LRIG1: variants seen among roughly 807,000 people sequenced by gnomAD.
The protein encoded by LRIG1 is leucine rich repeats and immunoglobulin like domains 1.
A neutral mutation model predicts 99.2 loss-of-function variants in LRIG1; 48 were observed. The observed-to-expected ratio is 0.48, with a 90% CI of 0.38 to 0.62. The LOEUF (loss-of-function observed/expected upper bound fraction) is 0.62. LRIG1 is among the 20% of genes least tolerant of loss of function. The pLI is 0.00. For missense variants in LRIG1, 1,646 were observed against 1,434.4 expected, an observed-to-expected ratio of 1.15 and a Z score of -2.38; for synonymous variants, 772 against 596.1, an observed-to-expected ratio of 1.29 and a Z score of -4.30.
At chr3:66,467,776 T>A (rs1180719847) in intron 1 of LRIG1, among the ~76,000 whole-genome samples, 3 of 152,248 alleles carry the variant, frequency 2.0e-5, no homozygotes, top group African/African-American at 7.2e-5. Flanking sequence ...AACTGTGCTG[T>A]GTCTGAATTA....
At chr3:66,470,756 T>A (rs2106864988) in intron 1 of LRIG1, among the ~76,000 whole-genome samples, 1 of 152,330 alleles carries the variant, frequency 6.6e-6, no homozygotes, top group African/African-American at 2.4e-5. Context: ...TTTCTCACCA[T>A]CACTGAAGGC....
chr3:66,452,541 T>C (rs771589928), intron 2 of LRIG1, among the ~76,000 whole-genome samples: 5 of 152,196 alleles, frequency 3.3e-5, no homozygotes, highest in African/African-American at 4.8e-5. Context: ...TAGAAAGAAA[T>C]TGTACTTGCG....
Position 66,417,119 on chromosome 3 carries a change from A to T in LRIG1, c.503+10T>A. 6.2e-7 allele frequency: 1 copy of T among 1,613,528 alleles called. No homozygotes were observed. The highest frequency in any genetic ancestry group is 8.5e-7 in the Non-Finnish European group (1 of 1,179,542). ...GGGCCAGCCACAGGTGGCAGAACAG[A>T]GGCACTTACAGCTCCTTTATAGGCG... is the stretch of plus-strand genomic sequence containing the variant. On this transcript the variant is annotated intron_variant, in intron 4 of 18. Transcript: ENST00000273261.
intron 12 of LRIG1, chr3:66,388,043 C>G (rs1209770470): frequency 2.4e-5 from 3 of 127,250 alleles, no homozygotes; most frequent in Non-Finnish European, 3.1e-5. Context: ...GGAGGCGGAG[C>G]TTGCAGTGAG....
At chr3:66,415,576 T>C (rs561061975) in intron 4 of LRIG1, among the ~76,000 whole-genome samples, 2 of 152,218 alleles carry the variant, frequency 1.3e-5, no homozygotes, top group South Asian at 2.1e-4. Context: ...ATTTCTGTAA[T>C]TGTAAATGCC....
At chr3:66,447,049 T>C (rs2106795308) in intron 3 of LRIG1, among the ~76,000 whole-genome samples, 1 of 152,140 alleles carries the variant, frequency 6.6e-6, no homozygotes. Flanking sequence ...AAATGGTGAG[T>C]TAATGGTAAG....
intron 14 of LRIG1, 85 bp downstream of exon 14, chr3:66,383,906 A>AC (rs1228614772): frequency 1.3e-6 from 2 of 1,527,100 alleles, no homozygotes; most frequent in South Asian, 1.3e-5. Flanking sequence ...AACGCATACC[A>AC]CCCCTGGCCA....
Position 66,417,280 on chromosome 3 carries a change from A to T in LRIG1, c.366-14T>A. On this transcript the variant is annotated splice_polypyrimidine_tract_variant and intron_variant, in intron 3 of 18. Coordinates refer to ENST00000273261, the MANE Select transcript of LRIG1 (RefSeq NM_015541.3). The stretch of plus-strand genomic sequence containing the variant: ...TTGTTGTGCTGCCTGAAACACAACA[A>T]GGGAGGTGACTTGAGCATCTCTTTT... 6.2e-7 allele frequency: 1 copy of T among 1,609,576 alleles called. No individual in the cohort carries two copies. Among genetic ancestry groups the T allele is most frequent in the Non-Finnish European group, 8.5e-7 (1 of 1,176,450 alleles).
At chr3:66,411,876 G>C (rs1575670745) in intron 6 of LRIG1, among the ~76,000 whole-genome samples, 1 of 142,942 alleles carries the variant, frequency 7.0e-6, no homozygotes, top group East Asian at 2.3e-4. Flanking sequence ...AAACGAAAAA[G>C]AGAAAGGCTT....
intron 12 of LRIG1, chr3:66,388,055 C>G (rs1359438853): frequency 7.5e-6 from 1 of 132,606 alleles, no homozygotes; most frequent in Non-Finnish European, 1.5e-5. Flanking sequence ...TGCAGTGAGC[C>G]AAGATCACGC....
intron 3 of LRIG1, among the ~76,000 whole-genome samples, chr3:66,450,796 T>C (rs1265015579): frequency 6.6e-6 from 1 of 151,992 alleles, no homozygotes; most frequent in African/African-American, 2.4e-5. Context: ...AAGAGGGAGG[T>C]GCTCTGCTGG....
intron 3 of LRIG1, among the ~76,000 whole-genome samples, chr3:66,442,440 T>TGAGGAG (rs1261851421): frequency 6.0e-5 from 9 of 150,194 alleles, no homozygotes; most frequent in African/African-American, 2.2e-4. Context: ...CTGCAGGAAG[T>TGAGGAG]GAGGAGGGGG....
At chr3:66,470,659 A>G (rs1441283812) in intron 1 of LRIG1, among the ~76,000 whole-genome samples, 2 of 152,180 alleles carry the variant, frequency 1.3e-5, no homozygotes, top group Admixed American at 1.3e-4. Context: ...CTATGGGGCC[A>G]TTAAAGTTGA....
At chr3:66,462,410 T>C (rs1700375304) in intron 2 of LRIG1, 28 bp downstream of exon 2, 2 of 1,569,616 alleles carry the variant, frequency 1.3e-6, no homozygotes, top group Non-Finnish European at 1.8e-6. Context: ...CATCCTTCCA[T>C]CCACCAGAGG....
At chr3:66,456,731 C>T (rs186580136) in intron 2 of LRIG1, among the ~76,000 whole-genome samples, 1 of 152,270 alleles carries the variant, frequency 6.6e-6, no homozygotes, top group Admixed American at 6.5e-5. Context: ...TGACACAGTG[C>T]GATGAACCAC....
chr3:66,458,485 A>G (rs773123720), intron 2 of LRIG1, among the ~76,000 whole-genome samples: 18 of 151,732 alleles, frequency 1.2e-4, no homozygotes, highest in Non-Finnish European at 2.4e-4. Flanking sequence ...GGCAGATCAC[A>G]TGAGGCCAGA....
At chr3:66,498,878 G>A (rs762242297) in intron 1 of LRIG1, among the ~76,000 whole-genome samples, 4 of 152,110 alleles carry the variant, frequency 2.6e-5, no homozygotes, top group Non-Finnish European at 5.9e-5. Flanking sequence ...CATTTAAAAG[G>A]AATTAACTTT....
At chr3:66,442,850 G>A (rs1662256805) in intron 3 of LRIG1, among the ~76,000 whole-genome samples, 1 of 152,112 alleles carries the variant, frequency 6.6e-6, no homozygotes, top group South Asian at 2.1e-4. Context: ...CCTATTCCAT[G>A]GGATCTCCCC....
intron 3 of LRIG1, among the ~76,000 whole-genome samples, chr3:66,442,432 G>A (rs1703570177): frequency 6.6e-6 from 1 of 152,152 alleles, no homozygotes; most frequent in Non-Finnish European, 1.5e-5. Context: ...GAAGCCACCT[G>A]CAGGAAGTGA....
Sources: gnomAD v4.1 joint callset for allele counts (sites outside exome capture counted in the v4.1 genomes callset) on GRCh38, gnomAD v4.1.1 for gene constraint, MANE v1.5 for transcripts, NCBI Gene and HGNC (gene_info 2026-07-23, HGNC 2026-07-21) for gene names.